Variants in SEMA4C observed in about 807,000 individuals in gnomAD.
SEMA4C encodes the protein semaphorin 4C.
In SEMA4C, 19 loss-of-function variants were observed where a neutral mutation model predicts 89.0. The observed-to-expected ratio is 0.21, with a 90% CI of 0.15 to 0.31. SEMA4C has a LOEUF of 0.31. Ranked by LOEUF, SEMA4C falls within the 10% of genes least tolerant of loss-of-function variation. The pLI is 1.00. For missense variants in SEMA4C, 811 were observed against 1,107.0 expected (o/e 0.73, Z 3.79); for synonymous variants, 428 against 472.7 (o/e 0.91, Z 1.23).
At chr2:96,869,040 G>A in intron 1 of SEMA4C, 1 of 985,312 alleles carries the variant, frequency 1.0e-6, no homozygotes, top group East Asian at 1.1e-4. Context: ...CCAGGGATTT[G>A]AACGCAAACA....
Position 96,865,110 on chromosome 2 carries a change from G to A in SEMA4C, c.640C>T (p.His214Tyr). The change falls in exon 8 of 15, where the codon CAC (histidine) becomes TAC (tyrosine). Residue 214 changes from histidine (H) to tyrosine (Y), a missense_variant. Coordinates refer to ENST00000305476, the MANE Select transcript of SEMA4C (RefSeq NM_017789.5). ...GGTACATAGGCAGAGCCTACAAAGT[G>A]AGGTTCTGTGGGAAGGGGAGGAGGT... ...EYLAFWLNEPHFVGSAYVPES... is the reference protein window; with the variant it reads ...EYLAFWLNEPYFVGSAYVPES... The A allele has an allele frequency of 1.9e-6, 3 of 1,576,372 alleles. No homozygotes were observed. Among genetic ancestry groups the A allele is most frequent in the African/African-American group, 2.7e-5 (2 of 74,130 alleles).
intron 1 of SEMA4C, chr2:96,868,349 G>A (rs1290060733): frequency 6.7e-6 from 6 of 896,166 alleles, no homozygotes; most frequent in African/African-American, 1.8e-5. Flanking sequence ...ATTCTGGGAG[G>A]AAGACTCCTT....
chr2:96,867,529 G>A (rs1280948974), intron 2 of SEMA4C, among the ~76,000 whole-genome samples: 1 of 152,182 alleles, frequency 6.6e-6, no homozygotes, highest in African/African-American at 2.4e-5. Flanking sequence ...AATTCAAGAA[G>A]CGAGGCGTGG....
At position 96,869,995 on chromosome 2, in the gene SEMA4C, T is replaced by C; in HGVS notation, c.-157A>G. The C allele has an allele frequency of 1.0e-6, 1 of 985,678 alleles. No individual in the cohort carries two copies. The highest frequency in any genetic ancestry group is 1.2e-6 in the Non-Finnish European group (1 of 829,950). The allele number at this position is 985,678 out of a possible 1,614,324, so 61.1% of individuals were successfully genotyped here. ...GCCCGCCAGCCCTCCGCGGCCTCTCTGCCACCGCCCCTCCGTCCCCGCCCG... is the reference window on the plus strand; with the variant it reads ...GCCCGCCAGCCCTCCGCGGCCTCTCCGCCACCGCCCCTCCGTCCCCGCCCG... On this transcript the variant is annotated 5_prime_UTR_variant, in exon 1 of 15. Transcript: ENST00000305476.
At chr2:96,866,174 C>T in intron 3 of SEMA4C, 109 bp downstream of exon 3, 1 of 1,452,762 alleles carries the variant, frequency 6.9e-7, no homozygotes, top group Non-Finnish European at 9.3e-7. Context: ...GGATGCCCAG[C>T]AGCACTTCTG....
chr2:96,862,982 G>C (rs547322533), intron 12 of SEMA4C: 15 of 152,964 alleles, frequency 9.8e-5, no homozygotes, highest in African/African-American at 2.9e-4. Context: ...AGTGAGCAGA[G>C]ATCATGCCAC....
chr2:96,860,496 G>A lies in SEMA4C; in HGVS notation c.*130C>T, dbSNP rs942524598. 4.9e-6 allele frequency: 4 copies of A among 814,190 alleles called. No homozygotes were observed. The highest frequency in any genetic ancestry group is 1.9e-5 in the South Asian group (1 of 52,372). 50.4% of individuals were successfully genotyped at this position (814,190 alleles called of 1,614,324 possible). ...CTGAGCAGAGCAGGTCCTCATGGCC[G>A]GGTGGGTGCTGGGCAGTATCTGTCC... On this transcript the variant is annotated 3_prime_UTR_variant, in exon 15 of 15. Transcript: ENST00000305476.
rs1192869954 is a variant in SEMA4C at position 96,861,599 on chromosome 2, T to C, written c.1652A>G (p.Asn551Ser). The change falls in exon 14 of 15, where the codon AAC (asparagine) becomes AGC (serine). Residue 551 changes from asparagine to serine, a missense_variant. Around this residue, in one of 4 missense-constraint regions of SEMA4C, gnomAD observed 441 missense variants for 664.9 expected, o/e 0.66. Coordinates refer to ENST00000305476, the MANE Select transcript of SEMA4C (RefSeq NM_017789.5). This position sits in a 1 kb window ranked among gnomAD's most constrained non-coding sequence, Gnocchi z 7.8. ...CTCACCTTTCTTACTGCCACGGAGG[T>C]TGCAGATGCCTGAAGTGTCCGAGGT... is the stretch of plus-strand genomic sequence containing the variant. ...VMTSDTSGICNLRGSKKVRPT... is the reference protein window; with the variant it reads ...VMTSDTSGICSLRGSKKVRPT... 1 of 1,584,394 alleles carries C rather than the reference T, an allele frequency of 6.3e-7. No individual in the cohort carries two copies. Among genetic ancestry groups the C allele is most frequent in the Non-Finnish European group, 8.6e-7 (1 of 1,161,688 alleles).
At position 96,860,467 on chromosome 2, in the gene SEMA4C, C is replaced by T. The variant is rs796704368; in HGVS notation, c.*159G>A. On this transcript the variant is annotated 3_prime_UTR_variant, in exon 15 of 15. Coordinates refer to ENST00000305476, the MANE Select transcript of SEMA4C (RefSeq NM_017789.5). ...GTGAGCCACACCAAGTGGCAGTGCC[C>T]GTGCTGAGCAGAGCAGGTCCTCATG... 3.1e-5 allele frequency: 19 copies of T among 605,474 alleles called. No homozygotes were observed. Among genetic ancestry groups the T allele is most frequent in the African/African-American group, 2.1e-4 (11 of 53,636 alleles). 37.5% of individuals were successfully genotyped at this position (605,474 alleles called of 1,614,324 possible). A position where few individuals can be genotyped will look rare whatever the true frequency, so the allele number is the denominator to read the frequency against.
intron 2 of SEMA4C, 111 bp downstream of exon 2, chr2:96,867,667 C>A: frequency 8.7e-7 from 1 of 1,149,492 alleles, no homozygotes; most frequent in Non-Finnish European, 1.3e-6. Flanking sequence ...TCTTCCAACT[C>A]GAGTTTCTTA....
rs772709768 is a variant in SEMA4C at position 96,865,727 on chromosome 2, T to G, written c.359A>C (p.Tyr120Ser). ...CFNFIRFLQPYNASHLYVCGT... is the reference protein window; with the variant it reads ...CFNFIRFLQPSNASHLYVCGT... ...ACAGACGTACAGGTGGGAGGCATTG[T>G]AGGGCTGCAGGAAGCGGATGAAGTT... The change falls in exon 5 of 15, where the codon TAC becomes TCC. Residue 120 changes from tyrosine to serine, a missense_variant. By Grantham distance (144) the Tyr-to-Ser change is moderately radical. Transcript: ENST00000305476. 6.2e-7 allele frequency: 1 copy of G among 1,613,968 alleles called. No homozygotes were observed. Among genetic ancestry groups the G allele is most frequent in the South Asian group, 1.1e-5 (1 of 91,070 alleles).
At chr2:96,869,573 G>A (rs887676877) in intron 1 of SEMA4C, 1 of 985,298 alleles carries the variant, frequency 1.0e-6, no homozygotes, top group Non-Finnish European at 1.2e-6. Flanking sequence ...GCCGAGGGCA[G>A]TCCAGGAGCC....
Position 96,861,416 on chromosome 2 carries a change from G to A in SEMA4C, c.1712C>T (p.Thr571Ile). The change falls in exon 15 of 15, where the codon ACA (threonine) becomes ATA (isoleucine). Residue 571 changes from threonine (T) to isoleucine (I), a missense_variant. Thr to Ile is a moderately conservative substitution (Grantham distance 89, BLOSUM62 -1). Transcript: ENST00000305476. The surrounding 1 kb of genome is among the most constrained non-coding windows in gnomAD (Gnocchi z 7.8). ...GAGGTGGCAGGGCAGCACCAGGTCT[G>A]TGCCCGCCACCACCGTGATGTTTTT... ...TPKNITVVAG[T>I]DLVLPCHLSS... The A allele has an allele frequency of 6.2e-7, 1 of 1,611,410 alleles. No individual in the cohort carries two copies. The highest frequency in any genetic ancestry group is 2.2e-5 in the East Asian group (1 of 44,888).
At position 96,864,946 on chromosome 2, in the gene SEMA4C, C is replaced by T. The variant is rs538940437; in HGVS notation, c.786+18G>A. On this transcript the variant is annotated intron_variant, in intron 8 of 14. Coordinates refer to ENST00000305476, the MANE Select transcript of SEMA4C (RefSeq NM_017789.5). This position sits in a 1 kb window ranked among gnomAD's most constrained non-coding sequence, Gnocchi z 6.3. ...GGCCAGCAGGGCTCCCAGGGCCCACCGCTGTGAGACTCGGTACCTTGCAGA... is the reference window on the plus strand; with the variant it reads ...GGCCAGCAGGGCTCCCAGGGCCCACTGCTGTGAGACTCGGTACCTTGCAGA... 8.7e-6 allele frequency: 14 copies of T among 1,601,234 alleles called. No individual in the cohort carries two copies. Among genetic ancestry groups the T allele is most frequent in the African/African-American group, 1.3e-5 (1 of 74,810 alleles).
In SEMA4C at chr2:96,860,663, G is replaced by A; in HGVS notation, c.2465C>T (p.Pro822Leu). 3 of 1,612,564 alleles carry A rather than the reference G, an allele frequency of 1.9e-6. No homozygotes were observed. The highest frequency in any genetic ancestry group is 2.5e-6 in the Non-Finnish European group (3 of 1,179,448). ...ELRRKLQQRQ[P>L]LPDSNPEESS... ...CTCCTCGGGGTTGGAGTCGGGCAGT[G>A]GCTGGCGTTGCTGCAGTTTGCGTCT... The change falls in exon 15 of 15, where the codon CCA (proline) becomes CTA (leucine). Residue 822 changes from proline to leucine, a missense_variant. This residue lies in a region of SEMA4C where 248 missense variants were observed against 269.0 expected (regional missense o/e 0.92). Coordinates refer to ENST00000305476, the MANE Select transcript of SEMA4C (RefSeq NM_017789.5).
chr2:96,860,324 AAATACAG>A lies in SEMA4C; in HGVS notation c.*295_*301del. 1 of 451,022 alleles carries A rather than the reference AAATACAG, an allele frequency of 2.2e-6. No homozygotes were observed. Among genetic ancestry groups the A allele is most frequent in the Non-Finnish European group, 4.0e-6 (1 of 252,806 alleles). The allele number at this position is 451,022 out of a possible 1,614,324, so 27.9% of individuals were successfully genotyped here. A position where few individuals can be genotyped will look rare whatever the true frequency, so the allele number is the denominator to read the frequency against. On this transcript the variant is annotated 3_prime_UTR_variant, in exon 15 of 15. Coordinates refer to ENST00000305476, the MANE Select transcript of SEMA4C (RefSeq NM_017789.5). Reference sequence around the variant, plus strand: ...TACACACACACACAAACACATGTGCAAATACAGACAAACACACATCTTGAAACTTCTG... The same window carrying A: ...TACACACACACACAAACACATGTGCAACAAACACACATCTTGAAACTTCTG...
rs776475256 is a variant in SEMA4C, at chr2:96,860,881, A to G, written c.2247T>C (p.His749=). Residue 749 remains histidine, a synonymous_variant, in exon 15 of 15, where the codon CAT becomes CAC. Coordinates refer to ENST00000305476, the MANE Select transcript of SEMA4C (RefSeq NM_017789.5). ...SDGSLKIVPG[H]ARCQPGGGPP... is the part of the protein sequence containing the mutation. The stretch of plus-strand genomic sequence containing the variant: ...GCCCCCCACCGGGCTGGCACCGGGC[A>G]TGCCCAGGTACTATCTTAAGGGAGC... 15 of 1,613,060 alleles carry G rather than the reference A, an allele frequency of 9.3e-6. No homozygotes were observed. In the African/African-American group the frequency reaches 1.7e-4, roughly 19 times the overall value.
chr2:96,864,207 T>A lies in SEMA4C; in HGVS notation c.1107+31A>T. ...AGGGTGGGATGGCACCGCAGCTGGG[T>A]GGGGAGATGCATCCCTGCCCTAGCA... On this transcript the variant is annotated intron_variant, in intron 10 of 14. Coordinates refer to ENST00000305476, the MANE Select transcript of SEMA4C (RefSeq NM_017789.5). This position sits in a 1 kb window ranked among gnomAD's most constrained non-coding sequence, Gnocchi z 6.3. 6.2e-7 allele frequency: 1 copy of A among 1,613,024 alleles called. No individual in the cohort carries two copies. Among genetic ancestry groups the A allele is most frequent in the Non-Finnish European group, 8.5e-7 (1 of 1,179,814 alleles).
At position 96,861,549 on chromosome 2, in the gene SEMA4C, G is replaced by C. The variant is rs1289117892; in HGVS notation, c.1672+30C>G. The C allele has an allele frequency of 1.9e-6, 3 of 1,602,562 alleles. No homozygotes were observed. Among genetic ancestry groups the C allele is most frequent in the Admixed American group, 3.4e-5 (2 of 59,234 alleles). The stretch of plus-strand genomic sequence containing the variant: ...AACTCCAGCTCTGGTCCAGGGCTCA[G>C]CCCGATGCGACGGGAATGAAAAAGC... On this transcript the variant is annotated intron_variant, in intron 14 of 14. Coordinates refer to ENST00000305476, the MANE Select transcript of SEMA4C (RefSeq NM_017789.5). The surrounding 1 kb of genome is among the most constrained non-coding windows in gnomAD (Gnocchi z 7.8).
Sources: gnomAD v4.1 joint callset for allele counts (sites outside exome capture counted in the v4.1 genomes callset) on GRCh38, gnomAD v4.1.1 for gene constraint, gnomAD v4.1.1 regional missense constraint, Gnocchi (gnomAD v3.1) non-coding constraint, MANE v1.5 for transcripts, NCBI Gene and HGNC (gene_info 2026-07-23, HGNC 2026-07-21) for gene names.